The following URI1 variants were observed in gnomAD, a reference collection of about 807,000 sequenced individuals.
URI1 encodes the protein unconventional prefoldin RPB5 interactor 1.
A neutral mutation model predicts 60.2 loss-of-function variants in URI1; 39 were observed. That is an observed-to-expected ratio of 0.65 (90% CI 0.50 to 0.85). URI1 has a LOEUF of 0.85. Among genes scored for constraint, URI1 ranks in the 40% least tolerant of loss-of-function variants. URI1 has a pLI of 0.00. For missense variants in URI1, 691 were observed against 665.9 expected (o/e 1.04, Z -0.42); for synonymous variants, 251 against 236.8 (o/e 1.06, Z -0.55).
chr19:29,982,920 A>G (rs535534115), intron 2 of URI1, among the ~76,000 whole-genome samples: 52 of 152,284 alleles, frequency 3.4e-4, no homozygotes, highest in Non-Finnish European at 6.0e-4. Flanking sequence ...TATTAGTCCA[A>G]TTTTGCCATT....
At chr19:29,928,447 TC>T (rs1194546440) in intron 1 of URI1, among the ~76,000 whole-genome samples, 1 of 152,116 alleles carries the variant, frequency 6.6e-6, no homozygotes, top group Non-Finnish European at 1.5e-5. Flanking sequence ...CCCTTTCCTT[TC>T]CACCACCTCC....
rs938405744 is a variant in URI1 at position 29,948,064 on chromosome 19, G to A, written c.117+5400G>A. ...ATGTCTCCACCGCATTGTCATCTTTGTCATAAATCAGGTGACTGTGTAAGT... is the reference window on the plus strand; with the variant it reads ...ATGTCTCCACCGCATTGTCATCTTTATCATAAATCAGGTGACTGTGTAAGT... On this transcript the variant is annotated intron_variant, in intron 1 of 10. Transcript: ENST00000392271. Among the ~76,000 whole-genome samples the A allele has an allele frequency of 2.6e-5, 4 of 152,280 alleles. No homozygotes were observed. The East Asian group carries it at 5.8e-4, about 22-fold the overall frequency.
Position 29,929,444 on chromosome 19 carries a change from A to G in URI1, c.63+5690A>G, listed in dbSNP as rs1237858645. Among the ~76,000 whole-genome samples, 6 of 150,904 alleles carry G rather than the reference A, an allele frequency of 4.0e-5. No homozygotes were observed. The South Asian group carries it at 1.3e-3, about 31-fold the overall frequency. On this transcript the variant is annotated intron_variant, in intron 1 of 10. Coordinates refer to the URI1 transcript ENST00000360605. ...AAACCCCATCTCTACTAAAAATACA[A>G]AAATTAGCGGGGTGTGGTGGCAGGT...
intron 1 of URI1, among the ~76,000 whole-genome samples, chr19:29,926,815 C>A (rs777435398): frequency 1.8e-4 from 27 of 152,170 alleles, no homozygotes; most frequent in Non-Finnish European, 3.2e-4. Context: ...GGGTCAGGTC[C>A]TGAAGGAGGA....
At chr19:29,960,615 A>G (rs566336183) in intron 1 of URI1, among the ~76,000 whole-genome samples, 5 of 152,076 alleles carry the variant, frequency 3.3e-5, no homozygotes, top group African/African-American at 4.8e-5. Context: ...TGTTTTGTCT[A>G]TCTTTAAAAA....
At chr19:29,976,934 G>T (rs1420609723) in intron 2 of URI1, among the ~76,000 whole-genome samples, 1 of 152,152 alleles carries the variant, frequency 6.6e-6, no homozygotes, top group Non-Finnish European at 1.5e-5. Flanking sequence ...AAACACTTTG[G>T]CATGTGAGTT....
rs751855285 is a variant in URI1, at chr19:30,012,373, A to G, written c.1267A>G (p.Thr423Ala). ...TAGAGAGAATAGTGTGTGTAGCGAC[A>G]CTAGTGAAAGCAGTGCTGCTGAATT... ...RSRENSVCSD[T>A]SESSAAEFDD... The change falls in exon 10 of 11, where the codon ACT becomes GCT. Residue 423 changes from threonine (T) to alanine (A), a missense_variant. Thr to Ala is a moderately conservative substitution (Grantham distance 58). Coordinates refer to ENST00000392271, the MANE Select transcript of URI1 (RefSeq NM_003796.3). The G allele has an allele frequency of 1.2e-6, 2 of 1,614,218 alleles. No homozygotes were observed. Among genetic ancestry groups the G allele is most frequent in the Non-Finnish European group, 1.7e-6 (2 of 1,180,022 alleles).
intron 2 of URI1, among the ~76,000 whole-genome samples, chr19:29,975,262 T>A (rs2055506199): frequency 6.6e-6 from 1 of 152,166 alleles, no homozygotes; most frequent in South Asian, 2.1e-4. Flanking sequence ...ATAAAAACTA[T>A]TTTGCCTATC....
At position 29,985,441 on chromosome 19, in the gene URI1, A is replaced by G. The variant is rs2055656495; in HGVS notation, c.231+140A>G. 8 of 593,210 alleles carry G rather than the reference A, an allele frequency of 1.3e-5. No individual in the cohort carries two copies. The Admixed American group carries it at 2.3e-4, about 17-fold the overall frequency. The allele number at this position is 593,210 out of a possible 1,614,324, so 36.7% of individuals were successfully genotyped here. On this transcript the variant is annotated intron_variant, in intron 3 of 10. Transcript: ENST00000392271. ...AGGAAGATTTGTTTTGTTTTACTTTATAAGAACACAGTAATTGTAGTAATT... is the reference window on the plus strand; with the variant it reads ...AGGAAGATTTGTTTTGTTTTACTTTGTAAGAACACAGTAATTGTAGTAATT...
intron 1 of URI1, chr19:29,956,794 C>T: frequency 6.2e-7 from 1 of 1,601,138 alleles, no homozygotes; most frequent in Non-Finnish European, 8.5e-7. Flanking sequence ...TAGCCAGTTC[C>T]TTTCTGTTAC....
chr19:29,981,225 T>C lies in URI1; in HGVS notation c.153-3998T>C, dbSNP rs10425600. On this transcript the variant is annotated intron_variant, in intron 2 of 10. Transcript: ENST00000392271. ...GACAAATTTCAAACATATGGAAGAG[T>C]GAATCTTGATCACCTATCTGTCTGT... Among the ~76,000 whole-genome samples, 762 of 152,110 alleles carry C rather than the reference T, an allele frequency of 5.0e-3. 4 individuals carry two copies. Among genetic ancestry groups the C allele is most frequent in the African/African-American group, 0.017 (719 of 41,488 alleles).
At chr19:29,953,883 CTT>C (rs1012633129) in intron 1 of URI1, among the ~76,000 whole-genome samples, 3 of 151,358 alleles carry the variant, frequency 2.0e-5, no homozygotes, top group Non-Finnish European at 4.4e-5. Context: ...GGAAAATTTT[CTT>C]TTGATTCCTT....
chr19:29,956,255 C>G, intron 1 of URI1: 1 of 619,976 alleles, frequency 1.6e-6, no homozygotes, highest in South Asian at 2.1e-5. Flanking sequence ...ATTTTACAGG[C>G]ATGAGCCACG....
At chr19:29,992,165 G>A (rs1177290229) in intron 4 of URI1, among the ~76,000 whole-genome samples, 2 of 152,174 alleles carry the variant, frequency 1.3e-5, no homozygotes, top group Non-Finnish European at 2.9e-5. Context: ...CACCTCCCAA[G>A]TTCAAGTGGT....
chr19:29,944,449 T>C (rs2055078801), intron 1 of URI1, among the ~76,000 whole-genome samples: 2 of 151,918 alleles, frequency 1.3e-5, no homozygotes, highest in African/African-American at 4.8e-5. Flanking sequence ...TGACTTGATA[T>C]GTTTTCTGCC....
At chr19:29,977,842 G>T (rs1162984953) in intron 2 of URI1, among the ~76,000 whole-genome samples, 5 of 152,020 alleles carry the variant, frequency 3.3e-5, no homozygotes, top group South Asian at 2.1e-4. Context: ...AATGTTTAAA[G>T]AATTTTTTTT....
intron 1 of URI1, among the ~76,000 whole-genome samples, chr19:29,932,445 T>G (rs976448773): frequency 2.0e-5 from 3 of 151,670 alleles, no homozygotes; most frequent in African/African-American, 7.3e-5. Flanking sequence ...GCCTCCCAAG[T>G]AACTGGGATT....
At chr19:29,956,285 C>CTTTTT (rs369678110) in intron 1 of URI1, 13 of 375,348 alleles carry the variant, frequency 3.5e-5, no homozygotes, top group South Asian at 1.3e-4. Context: ...CCAGAGTAGT[C>CTTTTT]TTTTTTTTTT....
intron 4 of URI1, among the ~76,000 whole-genome samples, chr19:30,000,899 G>GA (rs1176168181): frequency 6.6e-6 from 1 of 151,682 alleles, no homozygotes; most frequent in Non-Finnish European, 1.5e-5. Flanking sequence ...TGTAATTTTT[G>GA]AAGTGATTTC....
Sources: gnomAD v4.1 joint callset for allele counts (sites outside exome capture counted in the v4.1 genomes callset) on GRCh38, gnomAD v4.1.1 for gene constraint, MANE v1.5 for transcripts, NCBI Gene and HGNC (gene_info 2026-07-23, HGNC 2026-07-21) for gene names.